Variants in DNAI4 observed in about 807,000 individuals in gnomAD.
The protein encoded by DNAI4 is WD repeat domain 78.
A neutral mutation model predicts 105.8 loss-of-function variants in DNAI4; 85 were observed. The observed-to-expected ratio is 0.80, with a 90% CI of 0.67 to 0.96. The LOEUF is 0.96. Ranked by LOEUF, DNAI4 falls within the 40% of genes least tolerant of loss-of-function variation. DNAI4 has a pLI of 0.00. For synonymous variants in DNAI4, 352 were observed against 331.5 expected, an observed-to-expected ratio of 1.06 and a Z score of -0.67; for missense variants, 1,014 against 1,005.6, an observed-to-expected ratio of 1.01 and a Z score of -0.11.
intron 3 of DNAI4, among the ~76,000 whole-genome samples, 176 bp downstream of exon 3, chr1:66,893,053 A>AAGAAAGAAAGAGAGAGAG (rs1167732856): frequency 1.5e-5 from 1 of 66,560 alleles, no homozygotes; most frequent in African/African-American, 6.0e-5. Context: ...GAAAGAAAGA[A>AAGAAAGAAAGAGAGAGAG]AGAGAGAGAG....
At chr1:66,843,737 G>A (rs1463766487) in intron 8 of DNAI4, among the ~76,000 whole-genome samples, 4 of 152,016 alleles carry the variant, frequency 2.6e-5, no homozygotes, top group African/African-American at 4.8e-5. Flanking sequence ...GTCTAGGTTC[G>A]TATTTAGTAC....
chr1:66,913,049 A>T (rs1179117151), intron 1 of DNAI4, among the ~76,000 whole-genome samples: 1 of 152,018 alleles, frequency 6.6e-6, no homozygotes, highest in Non-Finnish European at 1.5e-5. Flanking sequence ...AAGGCAGGTA[A>T]CTCCTTTATG....
chr1:66,826,707 T>C, intron 15 of DNAI4, 113 bp downstream of exon 15: 1 of 872,012 alleles, frequency 1.1e-6, no homozygotes, highest in South Asian at 1.7e-5. Flanking sequence ...TCTCATAAAC[T>C]ATTACTTCTT....
chr1:66,827,164 G>C, intron 14 of DNAI4, 118 bp from the exon 15 acceptor site: 1 of 821,318 alleles, frequency 1.2e-6, no homozygotes, highest in East Asian at 2.7e-5. Flanking sequence ...TTATTGTGTG[G>C]GCATTATTTT....
intron 8 of DNAI4, among the ~76,000 whole-genome samples, chr1:66,842,590 T>C (rs552660016): frequency 9.9e-5 from 15 of 152,098 alleles, no homozygotes; most frequent in Middle Eastern, 3.4e-3. Context: ...AGAGCCAGGG[T>C]TTCACTATGT....
At chr1:66,868,096 A>G (rs1646769785) in intron 6 of DNAI4, among the ~76,000 whole-genome samples, 1 of 152,194 alleles carries the variant, frequency 6.6e-6, no homozygotes, top group African/African-American at 2.4e-5. Flanking sequence ...GTAATGATGA[A>G]TCATAGCTTT....
chr1:66,891,563 G>A (rs1474343353), intron 3 of DNAI4, among the ~76,000 whole-genome samples: 1 of 152,234 alleles, frequency 6.6e-6, no homozygotes, highest in Non-Finnish European at 1.5e-5. Context: ...CCAGGTTCAA[G>A]TGATTCTCCT....
intron 2 of DNAI4, among the ~76,000 whole-genome samples, chr1:66,902,058 T>C (rs2985808): frequency 0.79 from 119,928 of 152,042 alleles, 47,730 homozygotes; most frequent in East Asian, 0.88. Context: ...AAGTGCTGAG[T>C]CTGGCATCAA....
intron 5 of DNAI4, among the ~76,000 whole-genome samples, chr1:66,873,533 G>A (rs1646894357): frequency 6.6e-6 from 1 of 152,222 alleles, no homozygotes; most frequent in Non-Finnish European, 1.5e-5. Flanking sequence ...TTACAGGCAT[G>A]AGCCACCACA....
chr1:66,825,629 T>C (rs1042842693), intron 15 of DNAI4, among the ~76,000 whole-genome samples: 1 of 152,262 alleles, frequency 6.6e-6, no homozygotes, highest in Non-Finnish European at 1.5e-5. Context: ...CAAGTTTGCA[T>C]ACTTCTTTTA....
At chr1:66,873,421 GA>G (rs376018974) in intron 5 of DNAI4, among the ~76,000 whole-genome samples, 42 of 148,366 alleles carry the variant, frequency 2.8e-4, no homozygotes, top group Non-Finnish European at 3.1e-4. Flanking sequence ...AATCAAAAAA[GA>G]AAAAAAAAAT....
chr1:66,883,966 A>C (rs1647136586), intron 4 of DNAI4, among the ~76,000 whole-genome samples: 1 of 152,126 alleles, frequency 6.6e-6, no homozygotes, highest in African/African-American at 2.4e-5. Context: ...TCACCCTTTG[A>C]TCATCTTCTC....
intron 7 of DNAI4, among the ~76,000 whole-genome samples, chr1:66,853,838 T>C (rs1267719015): frequency 1.3e-5 from 2 of 152,114 alleles, no homozygotes; most frequent in African/African-American, 4.8e-5. Context: ...TCACCACTCT[T>C]ACTCAATATA....
At chr1:66,876,001 T>C (rs1360533102) in intron 4 of DNAI4, among the ~76,000 whole-genome samples, 1 of 152,164 alleles carries the variant, frequency 6.6e-6, no homozygotes, top group Non-Finnish European at 1.5e-5. Flanking sequence ...ATTATGCAGA[T>C]AAACAAGGTC....
At chr1:66,844,225 C>T (rs755431817) in intron 8 of DNAI4, among the ~76,000 whole-genome samples, 1 of 150,980 alleles carries the variant, frequency 6.6e-6, no homozygotes, top group African/African-American at 2.4e-5. Context: ...TATCTTAAAA[C>T]ATCATGTTGT....
chr1:66,819,414 G>A (rs1645580541), intron 16 of DNAI4, among the ~76,000 whole-genome samples: 1 of 151,948 alleles, frequency 6.6e-6, no homozygotes. Flanking sequence ...TTCTATAGTA[G>A]TTCATTATTT....
In DNAI4 at chr1:66,905,249, A is replaced by G; in HGVS notation, c.297T>C (p.Pro99=). The G allele has an allele frequency of 2.5e-6, 4 of 1,572,980 alleles. No homozygotes were observed. Among genetic ancestry groups the G allele is most frequent in the Non-Finnish European group, 3.5e-6 (4 of 1,152,608 alleles). The stretch of plus-strand genomic sequence containing the variant: ...TTGGTTTTTCTACAGTTTTCAGTTC[A>G]GGTGGAATAAGCACGGTTTTGGACA... ...MAVSKTVLIP[P]ELKTVEKPNP... is the part of the protein sequence containing the mutation. The change falls in exon 2 of 17, where the codon CCT becomes CCC. Residue 99 remains proline (P), a synonymous_variant. Coordinates refer to ENST00000371026, the MANE Select transcript of DNAI4 (RefSeq NM_024763.5).
In DNAI4 at chr1:66,827,870, A is replaced by C. The variant is rs780094268; in HGVS notation, c.2054T>G (p.Ile685Ser). The change falls in exon 14 of 17, where the codon ATT becomes AGT. Residue 685 changes from isoleucine (I) to serine (S), a missense_variant. Ile to Ser is a moderately radical substitution (Grantham distance 142). Transcript: ENST00000371026. ...ATTATATGAACAAGAACATTTGTGA[A>C]TATGACCTTCTTCAGTGCCAGCCAA... is the stretch of plus-strand genomic sequence containing the variant. ...IYLAGTEEGHIHKCSCSYNEQ... is the reference protein window; with the variant it reads ...IYLAGTEEGHSHKCSCSYNEQ... The C allele has an allele frequency of 1.2e-6, 2 of 1,608,536 alleles. No individual in the cohort carries two copies. The highest frequency in any genetic ancestry group is 4.5e-5 in the East Asian group (2 of 44,500).
intron 9 of DNAI4, among the ~76,000 whole-genome samples, chr1:66,840,167 C>T (rs1557913085): frequency 6.6e-6 from 1 of 152,120 alleles, no homozygotes; most frequent in South Asian, 2.1e-4. Flanking sequence ...GTATAGTTTA[C>T]TTATTCATAT....
Sources: gnomAD v4.1 joint callset for allele counts (sites outside exome capture counted in the v4.1 genomes callset) on GRCh38, gnomAD v4.1.1 for gene constraint, MANE v1.5 for transcripts, NCBI Gene and HGNC (gene_info 2026-07-23, HGNC 2026-07-21) for gene names.